MAVS: variants seen among roughly 807,000 people sequenced by gnomAD.
MAVS encodes mitochondrial antiviral-signaling protein.
A neutral mutation model predicts 30.2 loss-of-function variants in MAVS; 20 were observed. The ratio of observed to expected loss-of-function variants is 0.66; its 90% CI spans 0.47 to 0.96. MAVS has a LOEUF of 0.96. MAVS is among the 40% of genes least tolerant of loss of function. MAVS has a pLI of 0.00. For synonymous variants in MAVS, 278 were observed against 293.9 expected (o/e 0.95, Z 0.55); for missense variants, 624 against 701.1 (o/e 0.89, Z 1.24).
chr20:3,872,700 C>T lies in MAVS; in HGVS notation c.*6553C>T, dbSNP rs1237722181. 6.6e-6 allele frequency: 1 copy of T among 152,318 alleles called. No homozygotes were observed. Among genetic ancestry groups the T allele is most frequent in the Non-Finnish European group, 1.5e-5 (1 of 68,042 alleles). 9.4% of individuals were successfully genotyped at this position (152,318 alleles called of 1,614,324 possible). On this transcript the variant is annotated 3_prime_UTR_variant, in exon 7 of 7. Coordinates refer to ENST00000428216, the MANE Select transcript of MAVS (RefSeq NM_020746.5). ...CAGACATTGTTTATTAAAGGAGTTA[C>T]CTATGCCAGATCGAAGGCCTAAGAT...
At chr20:3,857,553 C>T in intron 2 of MAVS, 82 bp from the exon 3 acceptor site, 2 of 1,470,902 alleles carry the variant, frequency 1.4e-6, no homozygotes, top group South Asian at 1.3e-5. Flanking sequence ...TGGCACCCCT[C>T]CCCCCGCTGT....
chr20:3,848,731 G>T (rs1417491332), intron 1 of MAVS, among the ~76,000 whole-genome samples: 2 of 152,116 alleles, frequency 1.3e-5, no homozygotes, highest in African/African-American at 2.4e-5. Flanking sequence ...AACCCACTTG[G>T]AATCCAATAG....
In MAVS at chr20:3,866,475, G is replaced by A. The variant is rs191217987; in HGVS notation, c.*328G>A. 3.2e-4 allele frequency: 129 copies of A among 409,210 alleles called. 1 individual carries two copies. The highest frequency in any genetic ancestry group is 2.2e-3 in the African/African-American group (109 of 50,096). The allele number at this position is 409,210 out of a possible 1,614,324, so 25.3% of individuals were successfully genotyped here. A position where few individuals can be genotyped will look rare whatever the true frequency, so the allele number is the denominator to read the frequency against. On this transcript the variant is annotated 3_prime_UTR_variant, in exon 7 of 7. Coordinates refer to ENST00000428216, the MANE Select transcript of MAVS (RefSeq NM_020746.5). ...TCCTCCTCCAGGCCTCAGCCCTGTT[G>A]GCCCAGGTGGAGCAGGAGGGACCAC...
intron 6 of MAVS, 122 bp downstream of exon 6, chr20:3,864,910 G>A: frequency 8.1e-7 from 1 of 1,229,094 alleles, no homozygotes. Context: ...CTGCTCTGTG[G>A]CCTCTCCTTG....
intron 1 of MAVS, among the ~76,000 whole-genome samples, chr20:3,847,468 G>A (rs866964629): frequency 1.2e-4 from 19 of 152,312 alleles, no homozygotes; most frequent in Middle Eastern, 6.8e-3. Flanking sequence ...CAGTCAGGTC[G>A]GAAACTTTGC....
rs746425891 is a variant in MAVS, at chr20:3,865,655, C to T, written c.1159-28C>T. 1 of 1,566,032 alleles carries T rather than the reference C, an allele frequency of 6.4e-7. No individual in the cohort carries two copies. The highest frequency in any genetic ancestry group is 1.4e-5 in the African/African-American group (1 of 73,956). On this transcript the variant is annotated intron_variant, in intron 6 of 6. Transcript: ENST00000428216. This position sits in a 1 kb window ranked among gnomAD's most constrained non-coding sequence, Gnocchi z 4.7. ...GTTCGTCTCCCTGCCAACCCCAGTC[C>T]CTTCCAGTGCTCTCCTTTCTTTCCC...
At position 3,869,907 on chromosome 20, in the gene MAVS, C is replaced by G. The variant is rs762195271; in HGVS notation, c.*3760C>G. ...GAGTGAGCCACTGCGCCTGGCTGATCCCAGCACTTTTCAAATGATGCCGCT... is the reference window on the plus strand; with the variant it reads ...GAGTGAGCCACTGCGCCTGGCTGATGCCAGCACTTTTCAAATGATGCCGCT... On this transcript the variant is annotated 3_prime_UTR_variant, in exon 7 of 7. Coordinates refer to ENST00000428216, the MANE Select transcript of MAVS (RefSeq NM_020746.5). 5.9e-5 allele frequency: 9 copies of G among 152,188 alleles called. No individual in the cohort carries two copies. Among genetic ancestry groups the G allele is most frequent in the Non-Finnish European group, 1.3e-4 (9 of 68,042 alleles). 9.4% of individuals were successfully genotyped at this position (152,188 alleles called of 1,614,324 possible).
chr20:3,863,110 TG>T (rs2089879059), intron 5 of MAVS, among the ~76,000 whole-genome samples: 1 of 152,150 alleles, frequency 6.6e-6, no homozygotes, highest in African/African-American at 2.4e-5. Context: ...CATCAGCTGT[TG>T]GCAGGGGAAC....
rs2089953805 is a variant in MAVS, at chr20:3,871,338, G to C, written c.*5191G>C. The C allele has an allele frequency of 6.5e-6, 1 of 153,886 alleles. No homozygotes were observed. Among genetic ancestry groups the C allele is most frequent in the Non-Finnish European group, 1.5e-5 (1 of 68,070 alleles). The allele number at this position is 153,886 out of a possible 1,614,324, so 9.5% of individuals were successfully genotyped here. On this transcript the variant is annotated 3_prime_UTR_variant, in exon 7 of 7. Transcript: ENST00000428216. ...CACCTCTTGGTTTTGTGGCCTCTGT[G>C]GATGACGTCTCTCACCTTGAACCAG...
At position 3,854,596 on chromosome 20, in the gene MAVS, A is replaced by G. The variant is rs2089792821; in HGVS notation, c.-29A>G. ...CAGTCCATCCACCCTTCATGGGGCC[A>G]GAGCCCTCTCTCCAGAATCTGAGCA... On this transcript the variant is annotated 5_prime_UTR_variant, in exon 2 of 7. Coordinates refer to ENST00000428216, the MANE Select transcript of MAVS (RefSeq NM_020746.5). 1 of 1,532,012 alleles carries G rather than the reference A, an allele frequency of 6.5e-7. No homozygotes were observed. Among genetic ancestry groups the G allele is most frequent in the Non-Finnish European group, 9.0e-7 (1 of 1,108,298 alleles). The allele number at this position is 1,532,012 out of a possible 1,614,324, so 94.9% of individuals were successfully genotyped here. A position where few individuals can be genotyped will look rare whatever the true frequency, so the allele number is the denominator to read the frequency against.
In MAVS at chr20:3,867,370, GTTA is replaced by G. The variant is rs1170967876; in HGVS notation, c.*1228_*1230del. 2 of 267,536 alleles carry G rather than the reference GTTA, an allele frequency of 7.5e-6. No homozygotes were observed. Among genetic ancestry groups the G allele is most frequent in the African/African-American group, 4.4e-5 (2 of 45,078 alleles). 16.6% of individuals were successfully genotyped at this position (267,536 alleles called of 1,614,324 possible). A position where few individuals can be genotyped will look rare whatever the true frequency, so the allele number is the denominator to read the frequency against. The stretch of plus-strand genomic sequence containing the variant: ...GGCATTTACCAAGGGTTGGATATAT[GTTA>G]TTATCACTATTAAGTGTTGAGGGTC... On this transcript the variant is annotated 3_prime_UTR_variant, in exon 7 of 7. Coordinates refer to ENST00000428216, the MANE Select transcript of MAVS (RefSeq NM_020746.5).
chr20:3,847,321 C>T (rs933629178), intron 1 of MAVS, among the ~76,000 whole-genome samples: 3 of 152,104 alleles, frequency 2.0e-5, no homozygotes, highest in Non-Finnish European at 2.9e-5. Flanking sequence ...CAGTTCTCGG[C>T]GGCGACACCA....
intron 1 of MAVS, among the ~76,000 whole-genome samples, chr20:3,849,831 T>C (rs1005301012): frequency 2.6e-5 from 4 of 152,182 alleles, no homozygotes; most frequent in Non-Finnish European, 5.9e-5. Context: ...AGAATATAAA[T>C]TGGATGTGGC....
chr20:3,860,237 T>G (rs926452775), intron 3 of MAVS, among the ~76,000 whole-genome samples: 1 of 119,668 alleles, frequency 8.4e-6, no homozygotes, highest in African/African-American at 2.7e-5. Context: ...CCCCAATTCC[T>G]TTTTTTTTGA....
At chr20:3,857,878 T>G in intron 3 of MAVS, 69 bp downstream of exon 3, 1 of 1,491,978 alleles carries the variant, frequency 6.7e-7, no homozygotes, top group South Asian at 1.1e-5. Flanking sequence ...CTTTTCTCTC[T>G]CCCTGTACTT....
intron 1 of MAVS, among the ~76,000 whole-genome samples, chr20:3,853,217 T>G (rs564556264): frequency 8.9e-4 from 125 of 139,922 alleles, no homozygotes; most frequent in Middle Eastern, 3.5e-3. Flanking sequence ...CCGGGCGCGG[T>G]GGCTCACGCC....
Position 3,866,061 on chromosome 20 carries a change from C to G in MAVS, c.1537C>G (p.Pro513Ala). The change falls in exon 7 of 7, where the codon CCT (proline) becomes GCT (alanine). Residue 513 changes from proline to alanine, a missense_variant. Physicochemically the swap from Pro to Ala is conservative, Grantham distance 27. Coordinates refer to ENST00000428216, the MANE Select transcript of MAVS (RefSeq NM_020746.5). ...GGAGGTGCCATGCCACAGGCCCTCA[C>G]CTGGGGCTCTGTGGCTCCAGGTGGC... The part of the protein sequence containing the change: ...EREVPCHRPS[P>A]GALWLQVAVT... 1 of 1,612,236 alleles carries G rather than the reference C, an allele frequency of 6.2e-7. No individual in the cohort carries two copies. Among genetic ancestry groups the G allele is most frequent in the Non-Finnish European group, 8.5e-7 (1 of 1,179,868 alleles).
intron 3 of MAVS, among the ~76,000 whole-genome samples, chr20:3,859,992 A>T (rs1302949516): frequency 6.0e-5 from 9 of 150,006 alleles, no homozygotes; most frequent in Non-Finnish European, 3.0e-5. Context: ...AACTTTTTGT[A>T]TTTTTTAGTA....
chr20:3,853,682 T>C, intron 1 of MAVS, among the ~76,000 whole-genome samples: 1 of 152,044 alleles, frequency 6.6e-6, no homozygotes, highest in Non-Finnish European at 1.5e-5. Context: ...TAGTTCCAGC[T>C]ACCGGGGATG....
Sources: gnomAD v4.1 joint callset for allele counts (sites outside exome capture counted in the v4.1 genomes callset) on GRCh38, gnomAD v4.1.1 for gene constraint, Gnocchi (gnomAD v3.1) non-coding constraint, MANE v1.5 for transcripts, NCBI Gene and HGNC (gene_info 2026-07-23, HGNC 2026-07-21) for gene names.